The following ELOVL7 variants were observed in gnomAD, a reference collection of about 807,000 sequenced individuals.
ELOVL7 encodes the protein very long chain fatty acid elongase 7.
In ELOVL7, 27 loss-of-function variants were observed where a neutral mutation model predicts 35.7. That is an observed-to-expected ratio of 0.76 (90% CI 0.56 to 1.04). ELOVL7 has a LOEUF of 1.04. Among genes scored for constraint, ELOVL7 ranks in the 50% least tolerant of loss-of-function variants. The pLI is 0.00. For missense variants in ELOVL7, 327 were observed against 340.8 expected, an observed-to-expected ratio of 0.96 and a Z score of 0.32; for synonymous variants, 113 against 114.6, an observed-to-expected ratio of 0.99 and a Z score of 0.09.
chr5:60,809,945 T>C (rs1311556734), intron 1 of ELOVL7, among the ~76,000 whole-genome samples: 1 of 152,230 alleles, frequency 6.6e-6, no homozygotes, highest in African/African-American at 2.4e-5. Flanking sequence ...AATCTTGGTA[T>C]GAATATTGAA....
chr5:60,805,773 A>G (rs1744889119), intron 1 of ELOVL7, among the ~76,000 whole-genome samples: 1 of 152,154 alleles, frequency 6.6e-6, no homozygotes, highest in East Asian at 1.9e-4. Context: ...TCTCTCATCT[A>G]TGGGATCACT....
chr5:60,771,991 A>G lies in ELOVL7; in HGVS notation c.167T>C (p.Met56Thr), dbSNP rs746673276. 6 of 1,613,834 alleles carry G rather than the reference A, an allele frequency of 3.7e-6. No individual in the cohort carries two copies. Among genetic ancestry groups the G allele is most frequent in the Non-Finnish European group, 5.1e-6 (6 of 1,179,852 alleles). ...YFVTSLGPKL[M>T]ENRKPFELKK... ...GAGTTCAAAGGGCTTGCGATTTTCC[A>G]TGAGCTTTGGTCCCAAGGAAGTGAC... The change falls in exon 4 of 9, where the codon ATG becomes ACG. Residue 56 changes from methionine (M) to threonine (T), a missense_variant. Physicochemically the swap from Met to Thr is moderately conservative, Grantham distance 81. Coordinates refer to ENST00000508821, the MANE Select transcript of ELOVL7 (RefSeq NM_024930.3).
At chr5:60,826,444 A>G (rs1192170932) in intron 1 of ELOVL7, among the ~76,000 whole-genome samples, 1 of 152,134 alleles carries the variant, frequency 6.6e-6, no homozygotes, top group Non-Finnish European at 1.5e-5. Context: ...TGGATGATTC[A>G]GGGATACTAT....
rs1742328155 is a variant in ELOVL7 at position 60,767,723 on chromosome 5, G to A, written c.336+100C>T. ...CCACAACACACACAATCTGATAACT[G>A]AGTCATCTGCTTATTCTAAGTTTAC... On this transcript the variant is annotated intron_variant, in intron 5 of 8. Transcript: ENST00000508821. 5 of 760,074 alleles carry A rather than the reference G, an allele frequency of 6.6e-6. No homozygotes were observed. The South Asian group carries it at 8.7e-5, about 13-fold the overall frequency. The allele number at this position is 760,074 out of a possible 1,614,324, so 47.1% of individuals were successfully genotyped here. A position where few individuals can be genotyped will look rare whatever the true frequency, so the allele number is the denominator to read the frequency against.
In ELOVL7 at chr5:60,754,332, CTTT is replaced by C; in HGVS notation, c.*289_*291del. On this transcript the variant is annotated 3_prime_UTR_variant, in exon 9 of 9. Transcript: ENST00000508821. ...TGAAGAGTACTGTATTGCTTCATATCTTTTTTTCACTGCAACAAAATGTTTTAA... is the reference window on the plus strand; with the variant it reads ...TGAAGAGTACTGTATTGCTTCATATCTTTTCACTGCAACAAAATGTTTTAA... 1 of 358,384 alleles carries C rather than the reference CTTT, an allele frequency of 2.8e-6. No individual in the cohort carries two copies. 22.2% of individuals were successfully genotyped at this position (358,384 alleles called of 1,614,324 possible).
At chr5:60,756,964 T>G (rs1308742556) in intron 8 of ELOVL7, among the ~76,000 whole-genome samples, 1 of 152,174 alleles carries the variant, frequency 6.6e-6, no homozygotes, top group African/African-American at 2.4e-5. Flanking sequence ...CTAAACTGAG[T>G]GCCTCTGGCT....
At chr5:60,793,264 T>C (rs1055783971) in intron 2 of ELOVL7, among the ~76,000 whole-genome samples, 3 of 152,162 alleles carry the variant, frequency 2.0e-5, no homozygotes, top group African/African-American at 7.2e-5. Context: ...ACATGCAATT[T>C]CTCAAAGGAA....
intron 1 of ELOVL7, among the ~76,000 whole-genome samples, chr5:60,801,565 T>G (rs1744615479): frequency 2.0e-5 from 3 of 151,806 alleles, no homozygotes. Context: ...TAGCCAGGCA[T>G]GGTGGCGCAC....
chr5:60,826,274 T>A (rs1746166785), intron 1 of ELOVL7, among the ~76,000 whole-genome samples: 1 of 152,234 alleles, frequency 6.6e-6, no homozygotes, highest in Admixed American at 6.5e-5. Flanking sequence ...CATCTTCTAA[T>A]GCAGTGTTTC....
intron 4 of ELOVL7, among the ~76,000 whole-genome samples, chr5:60,769,204 A>G (rs1165831525): frequency 6.6e-6 from 1 of 152,222 alleles, no homozygotes; most frequent in Non-Finnish European, 1.5e-5. Context: ...CAAATGAATA[A>G]GGGCACGTGA....
At chr5:60,778,682 G>T (rs997593948) in intron 3 of ELOVL7, among the ~76,000 whole-genome samples, 4 of 152,188 alleles carry the variant, frequency 2.6e-5, no homozygotes, top group African/African-American at 7.2e-5. Flanking sequence ...GATGAAATTT[G>T]GGTGGGGATA....
chr5:60,761,772 C>T (rs900793720), intron 7 of ELOVL7, among the ~76,000 whole-genome samples: 4 of 151,880 alleles, frequency 2.6e-5, no homozygotes, highest in East Asian at 1.9e-4. Context: ...TAAAATATAT[C>T]GTATAGAGTT....
At chr5:60,789,203 A>T (rs1743777676) in intron 2 of ELOVL7, among the ~76,000 whole-genome samples, 1 of 152,218 alleles carries the variant, frequency 6.6e-6, no homozygotes, top group Non-Finnish European at 1.5e-5. Context: ...CATAAATGTC[A>T]AACAGTAAAA....
intron 3 of ELOVL7, among the ~76,000 whole-genome samples, chr5:60,777,817 T>C (rs1293350401): frequency 6.6e-6 from 1 of 151,064 alleles, no homozygotes; most frequent in Non-Finnish European, 1.5e-5. Context: ...CAGGGAAGAG[T>C]GGATTTTCGG....
chr5:60,795,711 G>A (rs572342177), intron 2 of ELOVL7, among the ~76,000 whole-genome samples: 27 of 152,214 alleles, frequency 1.8e-4, no homozygotes, highest in Non-Finnish European at 3.7e-4. Flanking sequence ...ATCCAGTGAG[G>A]CGCCCATTGC....
At chr5:60,772,199 G>T in intron 3 of ELOVL7, 106 bp from the exon 4 acceptor site, 1 of 668,048 alleles carries the variant, frequency 1.5e-6, no homozygotes, top group Non-Finnish European at 2.5e-6. Flanking sequence ...TTAACTGTGA[G>T]CTATTTGGGC....
At chr5:60,794,706 T>C (rs1298002042) in intron 2 of ELOVL7, among the ~76,000 whole-genome samples, 1 of 152,216 alleles carries the variant, frequency 6.6e-6, no homozygotes, top group Non-Finnish European at 1.5e-5. Flanking sequence ...TGGTTTTCTC[T>C]TTCTCTTTTG....
chr5:60,802,398 A>G (rs535928238), intron 1 of ELOVL7, among the ~76,000 whole-genome samples: 3 of 152,260 alleles, frequency 2.0e-5, no homozygotes, highest in South Asian at 2.1e-4. Flanking sequence ...ATTCTCAGAC[A>G]TGACGACACC....
intron 3 of ELOVL7, among the ~76,000 whole-genome samples, chr5:60,773,193 C>T (rs1231697730): frequency 6.6e-6 from 1 of 152,086 alleles, no homozygotes; most frequent in Non-Finnish European, 1.5e-5. Flanking sequence ...CCTCATGAAG[C>T]TAGAGTATTA....
Sources: allele counts gnomAD v4.1 joint callset (sites outside exome capture counted in the v4.1 genomes callset), GRCh38; gene constraint gnomAD v4.1.1; transcripts MANE v1.5; gene names NCBI Gene and HGNC (gene_info 2026-07-23, HGNC 2026-07-21).